DCLRE1C: variants seen among roughly 807,000 people sequenced by gnomAD.
DCLRE1C encodes the protein protein artemis.
Under a neutral mutation model 61.4 loss-of-function variants are expected in DCLRE1C, and 47 were observed. The ratio of observed to expected loss-of-function variants is 0.77; its 90% confidence interval spans 0.61 to 0.98. The LOEUF is 0.98. DCLRE1C is among the 50% of genes least tolerant of loss of function. The pLI, the probability that DCLRE1C is intolerant of heterozygous loss-of-function variation, is 0.00. For missense variants in DCLRE1C, 858 were observed against 816.0 expected, an observed-to-expected ratio of 1.05 and a Z score of -0.63; for synonymous variants, 337 against 287.6, an observed-to-expected ratio of 1.17 and a Z score of -1.74.
intron 13 of DCLRE1C, among the ~76,000 whole-genome samples, chr10:14,917,300 G>A (rs1836351763): frequency 6.6e-6 from 1 of 151,966 alleles, no homozygotes; most frequent in Non-Finnish European, 1.5e-5. Context: ...AACAACTTCT[G>A]GCAGAAAACA....
In DCLRE1C at chr10:14,934,307, A is replaced by G. The variant is rs1287803602; in HGVS notation, c.678+73T>C. 2.3e-5 allele frequency: 37 copies of G among 1,590,002 alleles called. No homozygotes were observed. In the African/African-American group the frequency reaches 3.2e-4, roughly 14 times the overall value. ...CGCGTCACTACACTCCAGCCTGGGC[A>G]ACATAGCAAGACTCCCTCTCAAAAA... On this transcript the variant is annotated intron_variant, in intron 8 of 13. Coordinates refer to ENST00000378278, the MANE Select transcript of DCLRE1C (RefSeq NM_001033855.3).
intron 11 of DCLRE1C, among the ~76,000 whole-genome samples, chr10:14,924,324 A>G (rs1353218182): frequency 6.6e-6 from 1 of 152,234 alleles, no homozygotes; most frequent in Non-Finnish European, 1.5e-5. Flanking sequence ...AACTTCATGA[A>G]TACCTTGACT....
At chr10:14,931,320 G>A (rs1354894225) in intron 9 of DCLRE1C, among the ~76,000 whole-genome samples, 1 of 152,158 alleles carries the variant, frequency 6.6e-6, no homozygotes, top group East Asian at 1.9e-4. Context: ...CAGCACTTTG[G>A]GAGGCCAAGG....
chr10:14,926,406 G>A (rs1837979812), intron 11 of DCLRE1C, among the ~76,000 whole-genome samples: 2 of 152,120 alleles, frequency 1.3e-5, no homozygotes, highest in Admixed American at 6.6e-5. Flanking sequence ...GTGTAACCCA[G>A]CACTTTGGGA....
Position 14,923,044 on chromosome 10 carries a change from C to T in DCLRE1C, c.998G>A (p.Cys333Tyr), listed in dbSNP as rs1305615100. The T allele has an allele frequency of 6.2e-6, 10 of 1,614,006 alleles. No individual in the cohort carries two copies. Among genetic ancestry groups the T allele is most frequent in the Non-Finnish European group, 8.5e-6 (10 of 1,179,902 alleles). Residue 333 changes from cysteine (C) to tyrosine (Y), a missense_variant, in exon 12 of 14, where the codon TGT (cysteine) becomes TAT (tyrosine). By Grantham distance (194) the Cys-to-Tyr change is radical (BLOSUM62 -2). Transcript: ENST00000378278. ...SEIKDFLSYL[C>Y]PVNAYPNVIP... Reference sequence around the variant, plus strand: ...GACATTTGGATATGCGTTCACAGGACAGAGGTAGCTCAAGAAATCTTTAAT... The same window carrying T: ...GACATTTGGATATGCGTTCACAGGATAGAGGTAGCTCAAGAAATCTTTAAT...
rs552548492 is a variant in DCLRE1C at position 14,912,311 on chromosome 10, C to T, written c.1157-2981G>A. On this transcript the variant is annotated intron_variant, in intron 13 of 13. Transcript: ENST00000378278. ...TCTCAGGTGATCCATCCGCCTCGGC[C>T]TCCCAAAGTGCTGGGATTATAGGCG... 2.8e-4 allele frequency among the ~76,000 whole-genome samples: 42 copies of T among 152,272 alleles called. 1 individual carries two copies. The highest frequency in any genetic ancestry group is 1.4e-3 in the Admixed American group (22 of 15,298).
intron 11 of DCLRE1C, 96 bp from the exon 12 acceptor site, chr10:14,923,165 T>C (rs1837401840): frequency 1.1e-6 from 1 of 941,410 alleles, no homozygotes; most frequent in Non-Finnish European, 1.7e-6. Context: ...AGCAGAACTC[T>C]CTTATGGCTG....
At chr10:14,951,574 A>G (rs528180198) in intron 1 of DCLRE1C, among the ~76,000 whole-genome samples, 3 of 152,074 alleles carry the variant, frequency 2.0e-5, no homozygotes, top group South Asian at 2.1e-4. Flanking sequence ...GTTGCCTTCA[A>G]CACCAAAAAG....
chr10:14,941,518 C>G (rs1840858820), intron 3 of DCLRE1C, among the ~76,000 whole-genome samples: 1 of 152,172 alleles, frequency 6.6e-6, no homozygotes. Flanking sequence ...AACTCCTGGA[C>G]TCACACAATT....
At chr10:14,949,792 C>G (rs970854518) in intron 1 of DCLRE1C, among the ~76,000 whole-genome samples, 1 of 152,250 alleles carries the variant, frequency 6.6e-6, no homozygotes, top group African/African-American at 2.4e-5. Context: ...TGCCTGTAAT[C>G]CCAACACTTT....
At chr10:14,950,240 TGA>T (rs1386659588) in intron 1 of DCLRE1C, among the ~76,000 whole-genome samples, 2 of 150,968 alleles carry the variant, frequency 1.3e-5, no homozygotes, top group Non-Finnish European at 2.9e-5. Flanking sequence ...CTTGGGAGGC[TGA>T]GATAGGAGAA....
intron 1 of DCLRE1C, among the ~76,000 whole-genome samples, chr10:14,951,345 G>A (rs1405269027): frequency 6.4e-5 from 8 of 124,454 alleles, no homozygotes; most frequent in Non-Finnish European, 1.3e-4. Context: ...AGCCGAGATC[G>A]CACCACTGCA....
intron 13 of DCLRE1C, among the ~76,000 whole-genome samples, chr10:14,916,663 A>G (rs944297362): frequency 1.3e-5 from 2 of 152,216 alleles, no homozygotes; most frequent in Non-Finnish European, 2.9e-5. Context: ...AAGTAATACC[A>G]TGTGCAACAG....
At chr10:14,932,829 C>T (rs371699813) in intron 9 of DCLRE1C, 25 bp downstream of exon 9, 21 of 1,611,128 alleles carry the variant, frequency 1.3e-5, no homozygotes, top group Middle Eastern at 1.6e-4. Context: ...ACAAACAATA[C>T]GAGAGGAATC....
intron 13 of DCLRE1C, among the ~76,000 whole-genome samples, chr10:14,912,719 T>C (rs771786139): frequency 6.6e-6 from 1 of 152,230 alleles, no homozygotes; most frequent in Non-Finnish European, 1.5e-5. Context: ...AGACAGAGTC[T>C]CGCTCTGTCG....
downstream of DCLRE1C, chr10:14,903,683 A>T (rs1834168313): frequency 6.6e-6 from 1 of 152,240 alleles, no homozygotes; most frequent in African/African-American, 2.4e-5. Flanking sequence ...GAGGCTTCCA[A>T]CATAGTATTG....
chr10:14,927,110 G>A (rs1838137154), intron 10 of DCLRE1C, among the ~76,000 whole-genome samples: 2 of 152,176 alleles, frequency 1.3e-5, no homozygotes, highest in Admixed American at 1.3e-4. Context: ...GACCGCGTGT[G>A]GTGGCTCACG....
rs1834268513 is a variant in DCLRE1C, at chr10:14,904,921, T to TA, written c.*3486dup. Among the ~76,000 whole-genome samples the TA allele has an allele frequency of 6.6e-6, 1 of 152,370 alleles. No individual in the cohort carries two copies. The highest frequency in any genetic ancestry group is 2.4e-5 in the African/African-American group (1 of 41,586). On this transcript the variant is annotated 3_prime_UTR_variant, in exon 14 of 14. Transcript: ENST00000378278. ...AGGATCTACATTAAGAGGATGGTGA[T>TA]ACATAATTAGTAATCTCAGGGTTTT...
intron 13 of DCLRE1C, among the ~76,000 whole-genome samples, chr10:14,910,235 C>T (rs996223943): frequency 7.9e-5 from 12 of 152,182 alleles, no homozygotes; most frequent in African/African-American, 2.9e-4. Context: ...GACCCAACCT[C>T]ATTCTTAAAG....
Sources: allele counts gnomAD v4.1 joint callset (sites outside exome capture counted in the v4.1 genomes callset), GRCh38; gene constraint gnomAD v4.1.1; transcripts MANE v1.5; gene names NCBI Gene and HGNC (gene_info 2026-07-23, HGNC 2026-07-21).